ATP8A2: variants seen among roughly 807,000 people sequenced by gnomAD.
The protein encoded by ATP8A2 is phospholipid-transporting ATPase IB.
In ATP8A2, 100 loss-of-function variants were observed where a neutral mutation model predicts 165.6. That is an observed-to-expected ratio of 0.60 (90% CI 0.51 to 0.71). The LOEUF is 0.71. Ranked by LOEUF, ATP8A2 falls within the 30% of genes least tolerant of loss-of-function variation. The pLI is 0.00. For missense variants in ATP8A2, 1,227 were observed against 1,479.5 expected (o/e 0.83, Z 2.80); for synonymous variants, 543 against 548.8 (o/e 0.99, Z 0.15).
At chr13:25,632,177 T>C (rs2041256925) in intron 24 of ATP8A2, among the ~76,000 whole-genome samples, 1 of 152,164 alleles carries the variant, frequency 6.6e-6, no homozygotes, top group South Asian at 2.1e-4. Flanking sequence ...GCTCAGAGCC[T>C]CCCTGCCCTC....
chr13:25,385,913 TA>T (rs2033023930), intron 1 of ATP8A2, among the ~76,000 whole-genome samples: 3 of 149,096 alleles, frequency 2.0e-5, no homozygotes, highest in African/African-American at 7.6e-5. Context: ...GACTTGGGCT[TA>T]AATTTTTTTT....
chr13:25,958,216 G>A (rs1269941624), intron 33 of ATP8A2, among the ~76,000 whole-genome samples: 1 of 151,762 alleles, frequency 6.6e-6, no homozygotes, highest in Non-Finnish European at 1.5e-5. Flanking sequence ...GTTGATGGGT[G>A]CAGCAAACCA....
intron 7 of ATP8A2, among the ~76,000 whole-genome samples, chr13:25,539,758 T>G (rs903569469): frequency 6.6e-6 from 1 of 152,196 alleles, no homozygotes; most frequent in Non-Finnish European, 1.5e-5. Flanking sequence ...GATTATAATA[T>G]CTGTTATGCT....
At chr13:25,634,107 A>G (rs1487531770) in intron 24 of ATP8A2, among the ~76,000 whole-genome samples, 1 of 152,212 alleles carries the variant, frequency 6.6e-6, no homozygotes, top group Non-Finnish European at 1.5e-5. Context: ...AATATCTGAA[A>G]ACTTCATCAG....
intron 7 of ATP8A2, among the ~76,000 whole-genome samples, chr13:25,540,077 C>G (rs1325248703): frequency 6.6e-6 from 1 of 152,308 alleles, no homozygotes; most frequent in East Asian, 1.9e-4. Flanking sequence ...TGAGGCTCAG[C>G]AGTCATTATG....
intron 2 of ATP8A2, among the ~76,000 whole-genome samples, chr13:25,524,272 T>A (rs890442299): frequency 6.6e-6 from 1 of 152,146 alleles, no homozygotes; most frequent in Non-Finnish European, 1.5e-5. Flanking sequence ...TTGATTTATA[T>A]CCTAAGATAT....
chr13:25,744,149 C>G (rs2043976727), intron 25 of ATP8A2, among the ~76,000 whole-genome samples: 2 of 152,174 alleles, frequency 1.3e-5, no homozygotes, highest in African/African-American at 4.8e-5. Flanking sequence ...CGTGAATTTT[C>G]TTTGGCAATT....
intron 35 of ATP8A2, among the ~76,000 whole-genome samples, chr13:25,969,298 AC>A (rs1955860951): frequency 6.6e-6 from 1 of 152,188 alleles, no homozygotes. Flanking sequence ...TTGTTTCATC[AC>A]ACAAGATGTT....
intron 8 of ATP8A2, among the ~76,000 whole-genome samples, chr13:25,541,226 T>C (rs764072393): frequency 1.4e-4 from 21 of 152,322 alleles, no homozygotes; most frequent in Non-Finnish European, 2.1e-4. Context: ...TAAAAAACTT[T>C]TGCTGCTTAA....
chr13:25,967,128 C>T (rs570346822), intron 34 of ATP8A2, among the ~76,000 whole-genome samples: 2 of 152,190 alleles, frequency 1.3e-5, no homozygotes, highest in African/African-American at 4.8e-5. Flanking sequence ...TAATAATGAA[C>T]GGGGTACATT....
chr13:25,746,475 GTCCTTTCTAT>G (rs2044033778), intron 25 of ATP8A2, among the ~76,000 whole-genome samples: 1 of 152,308 alleles, frequency 6.6e-6, no homozygotes, highest in African/African-American at 2.4e-5. Context: ...GACTTCTATG[GTCCTTTCTAT>G]GTATGTAATG....
intron 23 of ATP8A2, among the ~76,000 whole-genome samples, chr13:25,582,815 T>C (rs561667273): frequency 6.6e-6 from 1 of 152,222 alleles, no homozygotes; most frequent in African/African-American, 2.4e-5. Flanking sequence ...TTGAATCAGC[T>C]TTGTCTCTCA....
chr13:25,562,745 T>C (rs1027157206), intron 15 of ATP8A2, among the ~76,000 whole-genome samples: 9 of 152,246 alleles, frequency 5.9e-5, no homozygotes, highest in Non-Finnish European at 1.3e-4. Context: ...TGTGTGCCTG[T>C]GTGCCCAGTG....
rs201422627 is a variant in ATP8A2 at position 25,444,717 on chromosome 13, C to G, written c.77-24260C>G. ...CTGGAGTGCAATGGTGTGATCTCAG[C>G]TCACTGCAACATCTGCCTCCTGGGT... is the stretch of plus-strand genomic sequence containing the variant. On this transcript the variant is annotated intron_variant, in intron 1 of 36. Coordinates refer to ENST00000381655, the MANE Select transcript of ATP8A2 (RefSeq NM_016529.6). Among the ~76,000 whole-genome samples, 8 of 151,900 alleles carry G rather than the reference C, an allele frequency of 5.3e-5. No individual in the cohort carries two copies. In the East Asian group the frequency reaches 1.4e-3, roughly 26 times the overall value.
At chr13:25,383,578 G>A (rs143253233) in intron 1 of ATP8A2, among the ~76,000 whole-genome samples, 64 of 152,260 alleles carry the variant, frequency 4.2e-4, no homozygotes, top group Non-Finnish European at 7.9e-4. Context: ...TAACTTTAGC[G>A]AAATCCAACT....
intron 36 of ATP8A2, 128 bp from the exon 37 acceptor site, chr13:26,019,760 A>G (rs935466666): frequency 5.8e-5 from 37 of 643,088 alleles, no homozygotes; most frequent in Non-Finnish European, 8.9e-5. Context: ...GCCTCCACCT[A>G]TCCAAGGCTA....
intron 25 of ATP8A2, among the ~76,000 whole-genome samples, chr13:25,710,349 T>G (rs2043135268): frequency 6.6e-6 from 1 of 152,200 alleles, no homozygotes; most frequent in Non-Finnish European, 1.5e-5. Flanking sequence ...GTTGTGCTAC[T>G]GAGCATCAGA....
At chr13:25,459,023 A>G (rs1332841079) in intron 1 of ATP8A2, among the ~76,000 whole-genome samples, 1 of 152,156 alleles carries the variant, frequency 6.6e-6, no homozygotes, top group Non-Finnish European at 1.5e-5. Context: ...ACATAATCCA[A>G]ATGCCAGCAA....
At chr13:25,580,460 G>C (rs2039743080) in intron 22 of ATP8A2, among the ~76,000 whole-genome samples, 1 of 152,134 alleles carries the variant, frequency 6.6e-6, no homozygotes, top group African/African-American at 2.4e-5. Flanking sequence ...AAGTGTGGGA[G>C]CTGGGTTTCA....
Sources: gnomAD v4.1 joint callset for allele counts (sites outside exome capture counted in the v4.1 genomes callset) on GRCh38, gnomAD v4.1.1 for gene constraint, MANE v1.5 for transcripts, NCBI Gene and HGNC (gene_info 2026-07-23, HGNC 2026-07-21) for gene names.